The following ROBO2 variants were observed in gnomAD, a reference collection of about 807,000 sequenced individuals.
ROBO2 encodes the protein roundabout homolog 2.
In ROBO2, 53 loss-of-function variants were observed where a neutral mutation model predicts 160.8. That is an observed-to-expected ratio of 0.33 (90% CI 0.26 to 0.41). The LOEUF is 0.41. ROBO2 is among the 10% of genes least tolerant of loss of function. The pLI, the probability that ROBO2 is intolerant of heterozygous loss-of-function variation, is 1.00. For synonymous variants in ROBO2, 664 were observed against 611.7 expected, an observed-to-expected ratio of 1.09 and a Z score of -1.26; for missense variants, 1,577 against 1,722.4, an observed-to-expected ratio of 0.92 and a Z score of 1.49.
chr3:76,637,651 A>G (rs1187632803), intron 2 of ROBO2, among the ~76,000 whole-genome samples: 2 of 152,208 alleles, frequency 1.3e-5, no homozygotes, highest in Admixed American at 1.3e-4. Context: ...ACTGTTTTAT[A>G]TAACTCAGTG....
chr3:77,015,147 C>A (rs2062160072), intron 2 of ROBO2, among the ~76,000 whole-genome samples: 1 of 152,010 alleles, frequency 6.6e-6, no homozygotes, highest in Non-Finnish European at 1.5e-5. Flanking sequence ...ATCATAAGAG[C>A]CCTAAGGAAA....
intron 2 of ROBO2, among the ~76,000 whole-genome samples, chr3:76,700,582 T>C (rs527588944): frequency 2.6e-5 from 4 of 152,272 alleles, no homozygotes; most frequent in African/African-American, 9.6e-5. Context: ...AATATGACTA[T>C]ATACAGGGTG....
chr3:76,099,305 A>G (rs1411576400), intron 2 of ROBO2, among the ~76,000 whole-genome samples: 1 of 152,058 alleles, frequency 6.6e-6, no homozygotes, highest in African/African-American at 2.4e-5. Context: ...ATTTAAGGAT[A>G]ATATATTTAG....
chr3:75,910,041 A>T lies in ROBO2; in HGVS notation c.-14+3081A>T, dbSNP rs557126728. On this transcript the variant is annotated intron_variant, in intron 1 of 26. Transcript: ENST00000487694. Reference sequence around the variant, plus strand: ...AGAACTGAGACCACATGAAATAGGTAACAGAGTTACCCCAACTGAGGGGCA... The same window carrying T: ...AGAACTGAGACCACATGAAATAGGTTACAGAGTTACCCCAACTGAGGGGCA... 3.9e-5 allele frequency among the ~76,000 whole-genome samples: 6 copies of T among 152,330 alleles called. No individual in the cohort carries two copies. The South Asian group carries it at 1.2e-3, about 32-fold the overall frequency.
exon 15 of ROBO2, chr3:77,577,558 G>A (rs1486717646): frequency 2.5e-6 from 4 of 1,613,200 alleles, no homozygotes; most frequent in African/African-American, 2.7e-5. Flanking sequence ...AAGTATTAGT[G>A]TTTCCTGGGA....
intron 2 of ROBO2, among the ~76,000 whole-genome samples, chr3:77,314,833 A>T (rs915667190): frequency 1.3e-5 from 2 of 152,204 alleles, no homozygotes; most frequent in African/African-American, 4.8e-5. Flanking sequence ...GTCCCATATA[A>T]CTGCTGTAGG....
chr3:76,583,252 C>T (rs1196653103), intron 2 of ROBO2, among the ~76,000 whole-genome samples: 1 of 152,084 alleles, frequency 6.6e-6, no homozygotes, highest in Non-Finnish European at 1.5e-5. Context: ...GCATCTGACT[C>T]ATGAGTGATG....
At chr3:76,125,437 G>T (rs905811425) in intron 2 of ROBO2, among the ~76,000 whole-genome samples, 2 of 152,108 alleles carry the variant, frequency 1.3e-5, no homozygotes, top group African/African-American at 4.8e-5. Context: ...TTTCCACAGC[G>T]ATTGGACCAA....
chr3:76,055,055 A>G (rs2067788695), intron 2 of ROBO2, among the ~76,000 whole-genome samples: 1 of 152,252 alleles, frequency 6.6e-6, no homozygotes, highest in Non-Finnish European at 1.5e-5. Context: ...ACATTGCTAG[A>G]GAGGCCTTGC....
At chr3:77,051,497 T>A (rs949507075) in intron 1 of ROBO2, among the ~76,000 whole-genome samples, 1 of 152,202 alleles carries the variant, frequency 6.6e-6, no homozygotes, top group African/African-American at 2.4e-5. Flanking sequence ...ACCTGTGATG[T>A]TCATCACTTG....
chr3:77,190,915 C>T (rs955566477), intron 2 of ROBO2, among the ~76,000 whole-genome samples: 3 of 151,880 alleles, frequency 2.0e-5, no homozygotes, highest in African/African-American at 7.3e-5. Context: ...GTCCTGCTGG[C>T]AAGAAACATA....
intron 2 of ROBO2, among the ~76,000 whole-genome samples, chr3:76,537,474 T>A (rs555579921): frequency 2.6e-5 from 4 of 151,436 alleles, no homozygotes; most frequent in Non-Finnish European, 5.9e-5. Context: ...GGGGAAGAAA[T>A]TGAAGGAGAG....
chr3:76,216,801 C>G (rs1303342172), intron 2 of ROBO2, among the ~76,000 whole-genome samples: 2 of 152,114 alleles, frequency 1.3e-5, no homozygotes, highest in African/African-American at 2.4e-5. Flanking sequence ...AGCTCTGCAC[C>G]AAGCGGACCT....
intron 2 of ROBO2, among the ~76,000 whole-genome samples, chr3:76,813,848 A>G (rs2065419438): frequency 1.3e-5 from 2 of 152,268 alleles, no homozygotes; most frequent in African/African-American, 2.4e-5. Flanking sequence ...TGATTTTTAA[A>G]CAGTGAAATG....
intron 2 of ROBO2, among the ~76,000 whole-genome samples, chr3:76,476,675 C>T (rs1405500202): frequency 6.6e-6 from 1 of 152,014 alleles, no homozygotes; most frequent in Non-Finnish European, 1.5e-5. Context: ...ATCTACAAGC[C>T]CAGGATTTAA....
chr3:77,061,744 TTCCCTTGGTCCTG>T (rs2066333002), intron 1 of ROBO2, among the ~76,000 whole-genome samples: 6 of 152,330 alleles, frequency 3.9e-5, no homozygotes, highest in Admixed American at 3.3e-4. Flanking sequence ...ATTTTTGAGC[TTCCCTTGGTCCTG>T]TCAACATGTC....
intron 2 of ROBO2, among the ~76,000 whole-genome samples, chr3:76,137,399 C>T (rs1037540871): frequency 6.6e-6 from 1 of 151,934 alleles, no homozygotes; most frequent in Non-Finnish European, 1.5e-5. Flanking sequence ...TAACATTGTT[C>T]TCATACAGTT....
Position 76,159,952 on chromosome 3 carries a change from C to T in ROBO2, c.109+222350C>T, listed in dbSNP as rs554308915. Among the ~76,000 whole-genome samples the T allele has an allele frequency of 3.3e-5, 5 of 152,218 alleles. No homozygotes were observed. The South Asian group carries it at 6.2e-4, about 19-fold the overall frequency. ...TGCCTCATGATTTTCCATCAAAACTCTTACAAAATTGCCTGTACTTGATGA... is the reference window on the plus strand; with the variant it reads ...TGCCTCATGATTTTCCATCAAAACTTTTACAAAATTGCCTGTACTTGATGA... On this transcript the variant is annotated intron_variant, in intron 2 of 26. Transcript: ENST00000487694.
intron 2 of ROBO2, among the ~76,000 whole-genome samples, chr3:76,330,607 AAAAAT>A (rs1041443013): frequency 1.1e-4 from 17 of 152,348 alleles, no homozygotes; most frequent in African/African-American, 2.4e-4. Context: ...ACATTGGTTA[AAAAAT>A]AAAATAAAAG....
Sources: gnomAD v4.1 joint callset for allele counts (sites outside exome capture counted in the v4.1 genomes callset) on GRCh38, gnomAD v4.1.1 for gene constraint, MANE v1.5 for transcripts, NCBI Gene and HGNC (gene_info 2026-07-23, HGNC 2026-07-21) for gene names.